The following DMXL1 variants were observed in gnomAD, a reference collection of about 807,000 sequenced individuals.
The protein encoded by DMXL1 is Dmx like 1, also known as dmX-like protein 1.
In DMXL1, 99 loss-of-function variants were observed where a neutral mutation model predicts 319.2. The observed-to-expected ratio is 0.31, with a 90% CI of 0.26 to 0.37. DMXL1 has a LOEUF of 0.37. Among genes scored for constraint, DMXL1 ranks in the 10% least tolerant of loss-of-function variants. DMXL1 has a pLI of 1.00. For missense variants in DMXL1, 3,745 were observed against 3,595.6 expected, an observed-to-expected ratio of 1.04 and a Z score of -1.06; for synonymous variants, 1,385 against 1,235.2, an observed-to-expected ratio of 1.12 and a Z score of -2.54.
At chr5:119,077,524 G>T (rs1580548327) in intron 1 of DMXL1, among the ~76,000 whole-genome samples, 2 of 98,872 alleles carry the variant, frequency 2.0e-5, no homozygotes, top group Non-Finnish European at 1.8e-5. Flanking sequence ...GTCTCACTCT[G>T]TCACCCAGGC....
chr5:119,226,031 A>G (rs1018817774), intron 38 of DMXL1, among the ~76,000 whole-genome samples: 1 of 152,174 alleles, frequency 6.6e-6, no homozygotes, highest in East Asian at 1.9e-4. Context: ...TTTTTCTCTC[A>G]GTCCCATACC....
intron 42 of DMXL1, among the ~76,000 whole-genome samples, chr5:119,243,602 CT>C (rs1323866442): frequency 6.6e-6 from 1 of 152,008 alleles, no homozygotes; most frequent in Non-Finnish European, 1.5e-5. Context: ...ATTCATGAAT[CT>C]TTTATTTTAC....
At chr5:119,081,897 C>A (rs527847330) in intron 1 of DMXL1, among the ~76,000 whole-genome samples, 2 of 151,344 alleles carry the variant, frequency 1.3e-5, no homozygotes, top group South Asian at 4.2e-4. Flanking sequence ...GAAAGAATTA[C>A]GAATAAACAT....
chr5:119,173,736 G>A lies in DMXL1; in HGVS notation c.6682-1525G>A, dbSNP rs983938629. Among the ~76,000 whole-genome samples the A allele has an allele frequency of 4.3e-3, 484 of 111,700 alleles. No individual in the cohort carries two copies. In the East Asian group the frequency reaches 0.094, roughly 22 times the overall value. 73.3% of individuals were successfully genotyped at this position (111,700 alleles called of 152,430 possible). Reference sequence around the variant, plus strand: ...TGTGTGTGTATATATATATATGTGTGTATATATATATGTGTGTGTATATAT... The same window carrying A: ...TGTGTGTGTATATATATATATGTGTATATATATATATGTGTGTGTATATAT... On this transcript the variant is annotated intron_variant, in intron 25 of 43. Coordinates refer to ENST00000539542, the MANE Select transcript of DMXL1 (RefSeq NM_001290321.3).
At chr5:119,197,287 C>T (rs1779810338) in intron 31 of DMXL1, among the ~76,000 whole-genome samples, 2 of 152,080 alleles carry the variant, frequency 1.3e-5, no homozygotes, top group Admixed American at 1.3e-4. Flanking sequence ...TTGGGCCACA[C>T]ATAAAATACA....
At position 119,124,271 on chromosome 5, in the gene DMXL1, C is replaced by T. The variant is rs562247191; in HGVS notation, c.1102+3132C>T. The stretch of plus-strand genomic sequence containing the variant: ...CAGAGGTTGTAGTGAGCCGAGATTA[C>T]ACTACTGCACTCCAGCTTCCTGGGT... On this transcript the variant is annotated intron_variant, in intron 9 of 43. Transcript: ENST00000539542. 3.3e-5 allele frequency among the ~76,000 whole-genome samples: 5 copies of T among 149,704 alleles called. No individual in the cohort carries two copies. The South Asian group carries it at 1.1e-3, about 32-fold the overall frequency.
intron 29 of DMXL1, among the ~76,000 whole-genome samples, chr5:119,192,597 C>G (rs1052881978): frequency 1.3e-5 from 2 of 152,180 alleles, no homozygotes; most frequent in African/African-American, 4.8e-5. Flanking sequence ...ATATCCATGT[C>G]AAATGTAGTG....
At chr5:119,201,115 G>A (rs1171663414) in intron 32 of DMXL1, among the ~76,000 whole-genome samples, 1 of 152,144 alleles carries the variant, frequency 6.6e-6, no homozygotes, top group East Asian at 1.9e-4. Context: ...TTGAATAGGA[G>A]TGGTGAGACA....
At chr5:119,104,853 A>G (rs1757988216) in intron 3 of DMXL1, among the ~76,000 whole-genome samples, 1 of 152,240 alleles carries the variant, frequency 6.6e-6, no homozygotes, top group Non-Finnish European at 1.5e-5. Flanking sequence ...AATGTCAAAT[A>G]GTAAAGCCAC....
Position 119,128,011 on chromosome 5 carries a change from A to G in DMXL1, c.1103-1200A>G, listed in dbSNP as rs146832031. 2.3e-3 allele frequency: 928 copies of G among 408,708 alleles called. 13 individuals are homozygous for G. Among genetic ancestry groups the G allele is most frequent in the African/African-American group, 0.018 (843 of 47,782 alleles). The allele number at this position is 408,708 out of a possible 1,614,324, so 25.3% of individuals were successfully genotyped here. A position where few individuals can be genotyped will look rare whatever the true frequency, so the allele number is the denominator to read the frequency against. ...TGCACCCTGTTATGAGGCATCTGACATCTGTTTTATCATGATTCTCCATTT... is the reference window on the plus strand; with the variant it reads ...TGCACCCTGTTATGAGGCATCTGACGTCTGTTTTATCATGATTCTCCATTT... On this transcript the variant is annotated intron_variant, in intron 9 of 43. Coordinates refer to ENST00000539542, the MANE Select transcript of DMXL1 (RefSeq NM_001290321.3).
At chr5:119,136,142 C>G (rs1034057829) in intron 13 of DMXL1, among the ~76,000 whole-genome samples, 1 of 152,244 alleles carries the variant, frequency 6.6e-6, no homozygotes, top group Non-Finnish European at 1.5e-5. Flanking sequence ...GCAAAGATCA[C>G]TCATGTTAAT....
chr5:119,197,628 T>G (rs2150414188), intron 31 of DMXL1, 127 bp from the exon 32 acceptor site: 1 of 855,866 alleles, frequency 1.2e-6, no homozygotes, highest in African/African-American at 1.7e-5. Flanking sequence ...AAGTGTATGT[T>G]AATATTTCAT....
chr5:119,180,076 G>A (rs1441413374), intron 28 of DMXL1, among the ~76,000 whole-genome samples: 1 of 152,108 alleles, frequency 6.6e-6, no homozygotes, highest in African/African-American at 2.4e-5. Flanking sequence ...TTGTTGGATT[G>A]CAATTTGCCA....
chr5:119,136,576 G>A (rs1034333760), intron 13 of DMXL1, among the ~76,000 whole-genome samples: 18 of 152,360 alleles, frequency 1.2e-4, no homozygotes, highest in African/African-American at 4.1e-4. Context: ...AGGCCTAAGC[G>A]GGAAAATGGT....
At chr5:119,176,260 G>A (rs1024330688) in intron 26 of DMXL1, among the ~76,000 whole-genome samples, 12 of 152,064 alleles carry the variant, frequency 7.9e-5, no homozygotes, top group African/African-American at 2.9e-4. Context: ...CTGATAAGTT[G>A]GGTTTCTCAG....
Position 119,149,029 on chromosome 5 carries a change from A to G in DMXL1, c.3202A>G (p.Ser1068Gly), listed in dbSNP as rs774626510. Residue 1068 changes from serine (S) to glycine (G), a missense_variant, in exon 18 of 44, where the codon AGT becomes GGT. Coordinates refer to ENST00000539542, the MANE Select transcript of DMXL1 (RefSeq NM_001290321.3). Reference protein sequence around the residue: ...AVAYKQPASNSRSSQDFVMHV... With the variant: ...AVAYKQPASNGRSSQDFVMHV... ...AGCTTATAAGCAGCCTGCATCTAATAGTAGATCTTCCCAGGACTTTGTGAT... is the reference window on the plus strand; with the variant it reads ...AGCTTATAAGCAGCCTGCATCTAATGGTAGATCTTCCCAGGACTTTGTGAT... 6.2e-7 allele frequency: 1 copy of G among 1,613,944 alleles called. No individual in the cohort carries two copies. The highest frequency in any genetic ancestry group is 8.5e-7 in the Non-Finnish European group (1 of 1,179,878).
intron 30 of DMXL1, among the ~76,000 whole-genome samples, chr5:119,194,594 A>G (rs1316677773): frequency 6.6e-6 from 1 of 152,248 alleles, no homozygotes; most frequent in Non-Finnish European, 1.5e-5. Context: ...AGAAGTAAAT[A>G]TATGAGGGAC....
chr5:119,198,969 C>G (rs1211132598), intron 32 of DMXL1, among the ~76,000 whole-genome samples: 1 of 152,196 alleles, frequency 6.6e-6, no homozygotes. Context: ...TCACTGCAGC[C>G]TCCACCTCCT....
intron 34 of DMXL1, among the ~76,000 whole-genome samples, chr5:119,210,868 A>G (rs1782685297): frequency 6.6e-6 from 1 of 150,632 alleles, no homozygotes; most frequent in Admixed American, 6.6e-5. Flanking sequence ...TCTTGGGGAA[A>G]GCAGTCTTTT....
Sources: gnomAD v4.1 joint callset for allele counts (sites outside exome capture counted in the v4.1 genomes callset) on GRCh38, gnomAD v4.1.1 for gene constraint, MANE v1.5 for transcripts, NCBI Gene and HGNC (gene_info 2026-07-23, HGNC 2026-07-21) for gene names.